Variants in ZZEF1 observed in about 807,000 individuals in gnomAD.
ZZEF1 encodes zinc finger ZZ-type and EF-hand domain containing 1.
ZZEF1 carries 157 observed loss-of-function variants against 342.8 expected under a neutral mutation model. The observed-to-expected ratio is 0.46, with a 90% CI of 0.40 to 0.52. ZZEF1 has a LOEUF of 0.52. ZZEF1 is among the 20% of genes least tolerant of loss of function. The pLI is 0.00. For missense variants in ZZEF1, 3,480 were observed against 3,725.6 expected (o/e 0.93, Z 1.72); for synonymous variants, 1,505 against 1,429.1 (o/e 1.05, Z -1.20).
At chr17:4,059,318 C>G in intron 30 of ZZEF1, 28 bp from the exon 31 acceptor site, 1 of 1,583,126 alleles carries the variant, frequency 6.3e-7, no homozygotes. Flanking sequence ...CACTGATTCA[C>G]TTAATTGCCA....
chr17:4,083,019 A>T (rs1398948077), intron 16 of ZZEF1, among the ~76,000 whole-genome samples: 1 of 152,038 alleles, frequency 6.6e-6, no homozygotes, highest in African/African-American at 2.4e-5. Context: ...CAGGTGATCC[A>T]CCCACCTCTG....
intron 1 of ZZEF1, among the ~76,000 whole-genome samples, 165 bp downstream of exon 1, chr17:4,142,377 C>T (rs1202362577): frequency 6.6e-6 from 1 of 152,214 alleles, no homozygotes; most frequent in African/African-American, 2.4e-5. Flanking sequence ...CTTTCCAGAC[C>T]TCTAACATAG....
rs970626446 is a variant in ZZEF1 at position 4,111,251 on chromosome 17, G to A, written c.1066+1358C>T. Reference sequence around the variant, plus strand: ...TACACACACAAATACACACACACACGGAAAGGTCTGCAAGGATCCACATCA... The same window carrying A: ...TACACACACAAATACACACACACACAGAAAGGTCTGCAAGGATCCACATCA... On this transcript the variant is annotated intron_variant, in intron 5 of 54. Coordinates refer to ENST00000381638, the MANE Select transcript of ZZEF1 (RefSeq NM_015113.4). Among the ~76,000 whole-genome samples, 8 of 151,950 alleles carry A rather than the reference G, an allele frequency of 5.3e-5. No individual in the cohort carries two copies. In the East Asian group the frequency reaches 5.8e-4, roughly 11 times the overall value.
chr17:4,024,856 A>G, intron 43 of ZZEF1, 63 bp downstream of exon 43: 1 of 1,483,458 alleles, frequency 6.7e-7, no homozygotes, highest in Non-Finnish European at 9.4e-7. Context: ...CCTCCTAGTT[A>G]ATCCCCATGC....
At chr17:4,033,846 A>T in intron 40 of ZZEF1, 169 bp downstream of exon 40, 2 of 852,860 alleles carry the variant, frequency 2.3e-6, no homozygotes, top group South Asian at 1.7e-5. Context: ...CACAGTTTTA[A>T]TGTGGGTTGA....
chr17:4,089,033 A>G, intron 12 of ZZEF1, 140 bp from the exon 13 acceptor site: 1 of 684,062 alleles, frequency 1.5e-6, no homozygotes, highest in South Asian at 1.9e-5. Flanking sequence ...CACTAGGGAC[A>G]CAAAATATAA....
chr17:4,102,512 G>T (rs765110901), intron 8 of ZZEF1, 97 bp from the exon 9 acceptor site: 2 of 999,480 alleles, frequency 2.0e-6, no homozygotes, highest in Non-Finnish European at 3.1e-6. Context: ...TGGCTACCCA[G>T]ACTGCTAACT....
Position 4,097,926 on chromosome 17 carries a change from C to CAAA in ZZEF1, c.1673-1229_1673-1227dup, listed in dbSNP as rs541461547. Among the ~76,000 whole-genome samples the CAAA allele has an allele frequency of 4.7e-4, 30 of 63,676 alleles. 3 individuals carry two copies. The highest frequency in any genetic ancestry group is 1.8e-3 in the African/African-American group (29 of 16,450). The allele number at this position is 63,676 out of a possible 152,430, so 41.8% of individuals were successfully genotyped here. ...CAGCACAGTGAGACCCCATTTCTAC[C>CAAA]AAAAAAAAAAAAAAAAAAAGCAAAA... On this transcript the variant is annotated intron_variant, in intron 9 of 54. Coordinates refer to ENST00000381638, the MANE Select transcript of ZZEF1 (RefSeq NM_015113.4).
In ZZEF1 at chr17:4,014,489, G is replaced by C; in HGVS notation, c.8172C>G (p.Ile2724Met). 1.2e-6 allele frequency: 2 copies of C among 1,614,230 alleles called. No individual in the cohort carries two copies. The highest frequency in any genetic ancestry group is 1.7e-6 in the Non-Finnish European group (2 of 1,180,028). ...FEDKVHIPGAIYLSIKFDSQC... is the reference protein window; with the variant it reads ...FEDKVHIPGAMYLSIKFDSQC... ...GAGAGTCGAATTTGATTGAGAGGTA[G>C]ATGGCACCAGGAATGTGAACTTTAT... The change falls in exon 50 of 55, where the codon ATC (isoleucine) becomes ATG (methionine). Residue 2724 changes from isoleucine to methionine, a missense_variant. This residue lies in a region of ZZEF1 where 1,269 missense variants were observed against 1,342.4 expected (regional missense o/e 0.95). Coordinates refer to ENST00000381638, the MANE Select transcript of ZZEF1 (RefSeq NM_015113.4). This position sits in a 1 kb window ranked among gnomAD's most constrained non-coding sequence, Gnocchi z 4.4.
intron 32 of ZZEF1, 146 bp downstream of exon 32, chr17:4,057,848 G>A (rs904913465): frequency 2.5e-5 from 18 of 723,372 alleles, no homozygotes; most frequent in African/African-American, 5.4e-5. Flanking sequence ...TAAGACTTGC[G>A]CAAGGCCACT....
intron 1 of ZZEF1, among the ~76,000 whole-genome samples, chr17:4,135,560 T>C (rs764476136): frequency 6.6e-6 from 1 of 152,182 alleles, no homozygotes; most frequent in Non-Finnish European, 1.5e-5. Context: ...CACACATCAG[T>C]GATGCTTCCC....
intron 54 of ZZEF1, among the ~76,000 whole-genome samples, chr17:4,007,475 T>G (rs2055830300): frequency 6.6e-6 from 1 of 151,168 alleles, no homozygotes; most frequent in South Asian, 2.1e-4. Flanking sequence ...GGGAGAAACG[T>G]CAGGACACTG....
Position 4,049,851 on chromosome 17 carries a change from C to T in ZZEF1, c.5872G>A (p.Ala1958Thr), listed in dbSNP as rs760284820. Residue 1958 changes from alanine to threonine, a missense_variant, in exon 37 of 55, where the codon GCT (alanine) becomes ACT (threonine). Coordinates refer to ENST00000381638, the MANE Select transcript of ZZEF1 (RefSeq NM_015113.4). Reference protein sequence around the residue: ...MKAHQGKGLKALALLGVLPDG... With the variant: ...MKAHQGKGLKTLALLGVLPDG... The stretch of plus-strand genomic sequence containing the variant: ...GGCAATACACCCAGCAAAGCTAGAG[C>T]TTTAAGGCCTATGTGGGAAGCAAAT... 1 of 1,613,994 alleles carries T rather than the reference C, an allele frequency of 6.2e-7. No individual in the cohort carries two copies. The highest frequency in any genetic ancestry group is 8.5e-7 in the Non-Finnish European group (1 of 1,179,976).
chr17:4,113,288 C>T (rs2058343316), intron 4 of ZZEF1, among the ~76,000 whole-genome samples: 1 of 152,146 alleles, frequency 6.6e-6, no homozygotes, highest in African/African-American at 2.4e-5. Context: ...TCAGAGCTTC[C>T]AGAAATACCA....
intron 16 of ZZEF1, 32 bp from the exon 17 acceptor site, chr17:4,082,536 A>C: frequency 1.2e-6 from 2 of 1,607,018 alleles, no homozygotes; most frequent in Middle Eastern, 3.3e-4. Flanking sequence ...TATATTCAGA[A>C]AATCTAGTCC....
intron 30 of ZZEF1, among the ~76,000 whole-genome samples, 199 bp from the exon 31 acceptor site, chr17:4,059,489 G>C (rs1283467703): frequency 2.0e-5 from 3 of 152,176 alleles, no homozygotes; most frequent in Non-Finnish European, 4.4e-5. Context: ...GGGCTCAAGA[G>C]AGTTACCCAG....
rs1363113973 is a variant in ZZEF1 at position 4,008,745 on chromosome 17, A to G, written c.8805+138T>C. On this transcript the variant is annotated intron_variant, in intron 54 of 54. Coordinates refer to ENST00000381638, the MANE Select transcript of ZZEF1 (RefSeq NM_015113.4). This position sits in a 1 kb window ranked among gnomAD's most constrained non-coding sequence, Gnocchi z 4.2. ...TCTGAGCACCAGGAGGAAGTGACTG[A>G]ACTGGAACAAGCTCTGTGTAAGCTC... The G allele has an allele frequency of 7.0e-7, 1 of 1,432,494 alleles. No homozygotes were observed. Among genetic ancestry groups the G allele is most frequent in the Non-Finnish European group, 9.2e-7 (1 of 1,091,184 alleles). 88.7% of individuals were successfully genotyped at this position (1,432,494 alleles called of 1,614,324 possible). A position where few individuals can be genotyped will look rare whatever the true frequency, so the allele number is the denominator to read the frequency against.
intron 1 of ZZEF1, among the ~76,000 whole-genome samples, chr17:4,127,411 G>A (rs1349704328): frequency 1.3e-5 from 2 of 152,140 alleles, no homozygotes; most frequent in African/African-American, 4.8e-5. Context: ...GATACATAAT[G>A]AAATATTTAT....
At chr17:4,033,145 C>T (rs908600676) in intron 40 of ZZEF1, 143 bp from the exon 41 acceptor site, 5 of 757,286 alleles carry the variant, frequency 6.6e-6, no homozygotes, top group Non-Finnish European at 8.1e-6. Flanking sequence ...TAATGCTTTT[C>T]GTATAATGGT....
Sources: allele counts gnomAD v4.1 joint callset (sites outside exome capture counted in the v4.1 genomes callset), GRCh38; gene constraint gnomAD v4.1.1; regional missense constraint gnomAD v4.1.1; non-coding constraint Gnocchi (gnomAD v3.1); transcripts MANE v1.5; gene names NCBI Gene and HGNC (gene_info 2026-07-23, HGNC 2026-07-21).